Variants in GALNT13 observed in about 807,000 individuals in gnomAD.
The protein encoded by GALNT13 is UDP-GalNAc:polypeptide N-acetylgalactosaminyltransferase 13.
GALNT13 carries 28 observed loss-of-function variants against 64.2 expected under a neutral mutation model. The ratio of observed to expected loss-of-function variants is 0.44; its 90% CI spans 0.32 to 0.60. The LOEUF (loss-of-function observed/expected upper bound fraction) is 0.60. GALNT13 is among the 20% of genes least tolerant of loss of function. GALNT13 has a pLI of 0.05. For missense variants in GALNT13, 577 were observed against 669.8 expected, an observed-to-expected ratio of 0.86 and a Z score of 1.53; for synonymous variants, 214 against 224.6, an observed-to-expected ratio of 0.95 and a Z score of 0.42.
At chr2:153,068,966 C>A in the GALNT13 span, among the ~76,000 whole-genome samples, 1 of 152,190 alleles carries the variant, frequency 6.6e-6, no homozygotes, top group Non-Finnish European at 1.5e-5. Context: ...GAGAGTTGTG[C>A]TTTCAATACT....
At chr2:153,487,181 T>G in the GALNT13 span, among the ~76,000 whole-genome samples, 1 of 152,190 alleles carries the variant, frequency 6.6e-6, no homozygotes, top group African/African-American at 2.4e-5. Context: ...TCATGAAGAT[T>G]TACAACTTCT....
chr2:153,791,787 G>A, the GALNT13 span, among the ~76,000 whole-genome samples: 2 of 152,264 alleles, frequency 1.3e-5, no homozygotes, highest in East Asian at 1.9e-4. Context: ...CATGGATGGA[G>A]TTGAAGGCCA....
the GALNT13 span, among the ~76,000 whole-genome samples, chr2:153,340,579 C>A: frequency 6.6e-6 from 1 of 151,550 alleles, no homozygotes; most frequent in South Asian, 2.1e-4. Flanking sequence ...TGCTTGAACC[C>A]AGGAGGCAGA....
chr2:153,141,515 G>A, the GALNT13 span, among the ~76,000 whole-genome samples: 1 of 152,032 alleles, frequency 6.6e-6, no homozygotes. Flanking sequence ...AATACAGATG[G>A]TGGATAGTGA....
chr2:153,675,297 A>G, the GALNT13 span, among the ~76,000 whole-genome samples: 13 of 152,214 alleles, frequency 8.5e-5, no homozygotes, highest in African/African-American at 2.9e-4. Context: ...GAACCAACCC[A>G]GATATTCATC....
chr2:154,272,224 C>G (rs1298736006), intron 8 of GALNT13, among the ~76,000 whole-genome samples: 1 of 151,878 alleles, frequency 6.6e-6, no homozygotes. Flanking sequence ...AAGGTACACA[C>G]AAGAAAAATA....
the GALNT13 span, among the ~76,000 whole-genome samples, chr2:153,177,381 A>G: frequency 6.6e-6 from 1 of 152,142 alleles, no homozygotes; most frequent in Non-Finnish European, 1.5e-5. Context: ...GAAGGAAGAA[A>G]AGGGCATATA....
At chr2:153,771,566 TCCA>T in the GALNT13 span, among the ~76,000 whole-genome samples, 1 of 152,084 alleles carries the variant, frequency 6.6e-6, no homozygotes, top group Non-Finnish European at 1.5e-5. Flanking sequence ...AGTCTCCCAA[TCCA>T]GGTGAGTGTT....
the GALNT13 span, among the ~76,000 whole-genome samples, chr2:153,668,405 T>G: frequency 1.3e-5 from 2 of 152,086 alleles, no homozygotes; most frequent in Non-Finnish European, 2.9e-5. Context: ...TGAACTGAAA[T>G]CTCAGACTAT....
chr2:153,404,744 TAATA>T, the GALNT13 span, among the ~76,000 whole-genome samples: 3 of 152,188 alleles, frequency 2.0e-5, no homozygotes, highest in African/African-American at 7.2e-5. Flanking sequence ...AATTATTGGT[TAATA>T]AATGTATAGA....
chr2:153,531,779 G>A, the GALNT13 span, among the ~76,000 whole-genome samples: 3 of 152,080 alleles, frequency 2.0e-5, no homozygotes, highest in Non-Finnish European at 4.4e-5. Flanking sequence ...CATTTCAAAA[G>A]GAAAAAATTG....
chr2:153,348,394 A>G, the GALNT13 span, among the ~76,000 whole-genome samples: 2 of 152,204 alleles, frequency 1.3e-5, no homozygotes, highest in African/African-American at 4.8e-5. Flanking sequence ...GCACCTTCAG[A>G]TGATGAATTC....
chr2:153,886,815 G>A (rs932750950), intron 1 of GALNT13, among the ~76,000 whole-genome samples: 1 of 151,902 alleles, frequency 6.6e-6, no homozygotes, highest in African/African-American at 2.4e-5. Context: ...GAAGTTCTTG[G>A]CAATTAATTA....
chr2:154,249,962 A>G lies in GALNT13; in HGVS notation c.857+3980A>G, dbSNP rs577816307. The stretch of plus-strand genomic sequence containing the variant: ...AATTGTATTTTATTGTGAAAAACTC[A>G]TAGAATGTTCACATATATTATCTCC... On this transcript the variant is annotated intron_variant, in intron 7 of 12. Coordinates refer to ENST00000392825, the MANE Select transcript of GALNT13 (RefSeq NM_052917.4). Among the ~76,000 whole-genome samples the G allele has an allele frequency of 5.9e-5, 9 of 152,240 alleles. No homozygotes were observed. In the South Asian group the frequency reaches 1.9e-3, roughly 32 times the overall value.
intron 3 of GALNT13, among the ~76,000 whole-genome samples, chr2:154,118,016 A>T (rs1402840193): frequency 2.0e-5 from 3 of 152,186 alleles, no homozygotes; most frequent in African/African-American, 7.2e-5. Flanking sequence ...GATTCTATAC[A>T]TGTCTGTTAG....
At chr2:154,351,640 G>A (rs1379325012) in intron 9 of GALNT13, among the ~76,000 whole-genome samples, 8 of 126,896 alleles carry the variant, frequency 6.3e-5, no homozygotes, top group African/African-American at 2.1e-4. Flanking sequence ...CTGAGATGGC[G>A]CCACTGCAGT....
chr2:153,397,079 C>G, the GALNT13 span, among the ~76,000 whole-genome samples: 9,892 of 152,230 alleles, frequency 0.065, 441 homozygotes, highest in South Asian at 0.13. Flanking sequence ...AAAGCAATCA[C>G]AGGCTTAATG....
the GALNT13 span, among the ~76,000 whole-genome samples, chr2:153,075,753 C>CT: frequency 1.3e-5 from 2 of 152,112 alleles, no homozygotes; most frequent in Non-Finnish European, 2.9e-5. Context: ...AGCTTATTTT[C>CT]TCCCTCTTTT....
intron 11 of GALNT13, among the ~76,000 whole-genome samples, chr2:154,417,300 A>AC (rs1450946393): frequency 6.6e-6 from 1 of 151,000 alleles, no homozygotes; most frequent in Non-Finnish European, 1.5e-5. Flanking sequence ...AAAAAAAAAA[A>AC]AAACCTGAAA....
Sources: allele counts gnomAD v4.1 joint callset (sites outside exome capture counted in the v4.1 genomes callset), GRCh38; gene constraint gnomAD v4.1.1; transcripts MANE v1.5; gene names NCBI Gene and HGNC (gene_info 2026-07-23, HGNC 2026-07-21).